The following PTPRG variants were observed in gnomAD, a reference collection of about 807,000 sequenced individuals.
The protein encoded by PTPRG is protein tyrosine phosphatase receptor type G, also known as receptor-type tyrosine-protein phosphatase gamma.
A neutral mutation model predicts 165.3 loss-of-function variants in PTPRG; 102 were observed. That is an observed-to-expected ratio of 0.62 (90% CI 0.53 to 0.73). PTPRG has a LOEUF of 0.73. Ranked by LOEUF, PTPRG falls within the 30% of genes least tolerant of loss-of-function variation. The pLI is 0.00. For synonymous variants in PTPRG, 675 were observed against 669.5 expected, an observed-to-expected ratio of 1.01 and a Z score of -0.13; for missense variants, 1,866 against 1,861.4, an observed-to-expected ratio of 1.00 and a Z score of -0.05.
At chr3:61,676,816 C>A (rs1703249622) in intron 1 of PTPRG, among the ~76,000 whole-genome samples, 1 of 152,150 alleles carries the variant, frequency 6.6e-6, no homozygotes, top group Non-Finnish European at 1.5e-5. Context: ...GATTGGGTAA[C>A]TGTTGGAATG....
intron 2 of PTPRG, among the ~76,000 whole-genome samples, chr3:61,889,546 G>A (rs1046676022): frequency 2.6e-4 from 39 of 152,300 alleles, no homozygotes; most frequent in African/African-American, 5.1e-4. Flanking sequence ...AAGTGTTGCC[G>A]TGTTATCTCC....
chr3:61,573,156 A>T (rs1337512931), intron 1 of PTPRG, among the ~76,000 whole-genome samples: 2 of 152,196 alleles, frequency 1.3e-5, no homozygotes, highest in Non-Finnish European at 2.9e-5. Flanking sequence ...TAGCTTGTTC[A>T]GTTAAGACAA....
chr3:61,903,143 T>C (rs974337939), intron 2 of PTPRG, among the ~76,000 whole-genome samples: 3 of 152,184 alleles, frequency 2.0e-5, no homozygotes, highest in Non-Finnish European at 4.4e-5. Flanking sequence ...TCTCCCTTTA[T>C]CTGTCCCGTG....
intron 1 of PTPRG, among the ~76,000 whole-genome samples, chr3:61,682,076 G>A (rs4602379): frequency 0.98 from 148,070 of 150,780 alleles, 72,762 homozygotes; most frequent in Non-Finnish European, 1. Flanking sequence ...TTGAACCTGG[G>A]AGGCAGAGGT....
chr3:61,825,996 G>C (rs2036099988), intron 2 of PTPRG, among the ~76,000 whole-genome samples: 1 of 152,192 alleles, frequency 6.6e-6, no homozygotes, highest in African/African-American at 2.4e-5. Context: ...AATTTTGGAA[G>C]ATTCATGGAA....
intron 6 of PTPRG, among the ~76,000 whole-genome samples, chr3:62,143,837 A>AT (rs1214524524): frequency 2.0e-5 from 3 of 152,192 alleles, no homozygotes; most frequent in Admixed American, 2.0e-4. Context: ...CCCAGTACAA[A>AT]TTACTGAACC....
chr3:61,851,729 T>C (rs559136032), intron 2 of PTPRG, among the ~76,000 whole-genome samples: 2 of 152,180 alleles, frequency 1.3e-5, no homozygotes, highest in Non-Finnish European at 2.9e-5. Context: ...CTTGATGGGT[T>C]TGTTGTTACT....
At chr3:62,049,709 G>A (rs950591888) in intron 4 of PTPRG, among the ~76,000 whole-genome samples, 7 of 152,124 alleles carry the variant, frequency 4.6e-5, no homozygotes, top group East Asian at 3.8e-4. Flanking sequence ...AATATCTTAC[G>A]AGTTGTGCAG....
At chr3:62,249,620 C>T (rs1409061561) in intron 15 of PTPRG, among the ~76,000 whole-genome samples, 5 of 152,084 alleles carry the variant, frequency 3.3e-5, no homozygotes, top group Non-Finnish European at 5.9e-5. Flanking sequence ...TCACACACTT[C>T]CAGAGTAAGC....
chr3:61,736,928 A>T (rs1276431873), intron 1 of PTPRG, among the ~76,000 whole-genome samples: 3 of 152,228 alleles, frequency 2.0e-5, no homozygotes, highest in Non-Finnish European at 4.4e-5. Flanking sequence ...ATCAGACCAT[A>T]TTGACTGCCA....
chr3:62,218,973 G>A lies in PTPRG; in HGVS notation c.2278G>A (p.Val760Ile), dbSNP rs763857433. 34 of 1,613,470 alleles carry A rather than the reference G, an allele frequency of 2.1e-5. No homozygotes were observed. Among genetic ancestry groups the A allele is most frequent in the Non-Finnish European group, 2.6e-5 (31 of 1,179,806 alleles). The stretch of plus-strand genomic sequence containing the variant: ...CCTCATCCTTCTCATTGCTGTGCTC[G>A]TTTACTGGAGGTAAGCCAGGCAGCA... ...VCLILLIAVL[V>I]YWRGCNKIKS... Residue 760 changes from valine to isoleucine, a missense_variant, in exon 13 of 30, where the codon GTT (valine) becomes ATT (isoleucine). Physicochemically the swap from Val to Ile is conservative, Grantham distance 29. Coordinates refer to ENST00000474889, the MANE Select transcript of PTPRG (RefSeq NM_002841.4).
At chr3:61,608,513 C>T (rs1399629169) in intron 1 of PTPRG, among the ~76,000 whole-genome samples, 1 of 152,124 alleles carries the variant, frequency 6.6e-6, no homozygotes, top group East Asian at 1.9e-4. Context: ...ATGTGCCACC[C>T]ACAACTGCAT....
chr3:61,972,633 C>A (rs986926296), intron 2 of PTPRG, among the ~76,000 whole-genome samples: 5 of 150,342 alleles, frequency 3.3e-5, no homozygotes, highest in Admixed American at 6.6e-5. Flanking sequence ...CTCCCCTCTT[C>A]GTTCTTTTTC....
intron 1 of PTPRG, among the ~76,000 whole-genome samples, chr3:61,641,416 TAGTTTGTTA>T (rs1312630699): frequency 6.6e-6 from 1 of 152,138 alleles, no homozygotes; most frequent in Non-Finnish European, 1.5e-5. Context: ...GAATAGTGAG[TAGTTTGTTA>T]AGCAATAATT....
Position 62,135,254 on chromosome 3 carries a change from G to T in PTPRG, c.682+2586G>T, listed in dbSNP as rs200406402. ...ATGCCAGCCTCCAGCCTGGGTGACAGAGTGAGATTCTGTCTCAAAAAAAAA... is the reference window on the plus strand; with the variant it reads ...ATGCCAGCCTCCAGCCTGGGTGACATAGTGAGATTCTGTCTCAAAAAAAAA... On this transcript the variant is annotated intron_variant, in intron 6 of 29. Coordinates refer to ENST00000474889, the MANE Select transcript of PTPRG (RefSeq NM_002841.4). 9.1e-4 allele frequency among the ~76,000 whole-genome samples: 135 copies of T among 148,174 alleles called. No individual in the cohort carries two copies. The East Asian group carries it at 0.02, about 22-fold the overall frequency.
chr3:61,592,842 G>T (rs934124268), intron 1 of PTPRG, among the ~76,000 whole-genome samples: 1 of 152,058 alleles, frequency 6.6e-6, no homozygotes, highest in Non-Finnish European at 1.5e-5. Flanking sequence ...CATAAAAGCC[G>T]TGGGGCTGAC....
At chr3:61,941,161 A>G (rs556156209) in intron 2 of PTPRG, among the ~76,000 whole-genome samples, 21 of 152,234 alleles carry the variant, frequency 1.4e-4, no homozygotes, top group Non-Finnish European at 2.4e-4. Flanking sequence ...ATCATTCATG[A>G]GTGCAATAAT....
At chr3:62,242,802 C>T (rs1273861524) in intron 14 of PTPRG, among the ~76,000 whole-genome samples, 4 of 152,076 alleles carry the variant, frequency 2.6e-5, no homozygotes, top group African/African-American at 7.2e-5. Context: ...AGTTGGAATA[C>T]GGGCCCCAGA....
At chr3:61,855,717 T>C (rs1265554631) in intron 2 of PTPRG, among the ~76,000 whole-genome samples, 3 of 151,528 alleles carry the variant, frequency 2.0e-5, no homozygotes, top group Non-Finnish European at 4.4e-5. Flanking sequence ...TACTTTTATT[T>C]CTCTCTTAGT....
Sources: gnomAD v4.1 joint callset for allele counts (sites outside exome capture counted in the v4.1 genomes callset) on GRCh38, gnomAD v4.1.1 for gene constraint, MANE v1.5 for transcripts, NCBI Gene and HGNC (gene_info 2026-07-23, HGNC 2026-07-21) for gene names.